The following AKAP8L variants were observed in gnomAD, a reference collection of about 807,000 sequenced individuals.
AKAP8L encodes A-kinase anchor protein 8-like.
AKAP8L carries 34 observed loss-of-function variants against 77.5 expected under a neutral mutation model. The observed-to-expected ratio is 0.44, with a 90% CI of 0.33 to 0.58. The LOEUF is 0.58. AKAP8L is among the 20% of genes least tolerant of loss of function. AKAP8L has a pLI of 0.02. For missense variants in AKAP8L, 806 were observed against 887.6 expected, an observed-to-expected ratio of 0.91 and a Z score of 1.17; for synonymous variants, 342 against 340.7, an observed-to-expected ratio of 1.00 and a Z score of -0.04.
intron 2 of AKAP8L, among the ~76,000 whole-genome samples, chr19:15,408,198 G>A (rs1968037142): frequency 6.6e-6 from 1 of 152,094 alleles, no homozygotes; most frequent in Non-Finnish European, 1.5e-5. Flanking sequence ...CAGAATGAGA[G>A]TCCAAGAGTC....
chr19:15,403,744 A>G lies in AKAP8L; in HGVS notation c.122-29T>C. 1 of 1,528,052 alleles carries G rather than the reference A, an allele frequency of 6.5e-7. No homozygotes were observed. Among genetic ancestry groups the G allele is most frequent in the Non-Finnish European group, 8.9e-7 (1 of 1,122,864 alleles). The allele number at this position is 1,528,052 out of a possible 1,614,324, so 94.7% of individuals were successfully genotyped here. On this transcript the variant is annotated intron_variant, in intron 3 of 13. Transcript: ENST00000397410. The surrounding 1 kb of genome is among the most constrained non-coding windows in gnomAD (Gnocchi z 4.3). The stretch of plus-strand genomic sequence containing the variant: ...CAGTGAGGGAGACAGAGACAGACAG[A>G]TGGTGGGGGCAGGCAGAGGGGAGGC...
At chr19:15,407,976 A>C (rs965091833) in intron 2 of AKAP8L, among the ~76,000 whole-genome samples, 2 of 152,244 alleles carry the variant, frequency 1.3e-5, no homozygotes, top group African/African-American at 4.8e-5. Flanking sequence ...TCATATTTCA[A>C]GATTACTATT....
In AKAP8L at chr19:15,380,076, G is replaced by A. The variant is rs889564066; in HGVS notation, c.*46C>T. 1 of 1,398,638 alleles carries A rather than the reference G, an allele frequency of 7.1e-7. No individual in the cohort carries two copies. The allele number at this position is 1,398,638 out of a possible 1,614,324, so 86.6% of individuals were successfully genotyped here. A position where few individuals can be genotyped will look rare whatever the true frequency, so the allele number is the denominator to read the frequency against. Reference sequence around the variant, plus strand: ...GGGATGGGAAAACTTTATTAGGTTTGGTTTCCAGCTTCGGCCACGCGGGCT... The same window carrying A: ...GGGATGGGAAAACTTTATTAGGTTTAGTTTCCAGCTTCGGCCACGCGGGCT... On this transcript the variant is annotated 3_prime_UTR_variant, in exon 14 of 14. Transcript: ENST00000397410.
At chr19:15,407,112 T>G (rs940871915) in intron 2 of AKAP8L, among the ~76,000 whole-genome samples, 2 of 151,996 alleles carry the variant, frequency 1.3e-5, no homozygotes, top group Non-Finnish European at 2.9e-5. Context: ...AAAAAATAGC[T>G]GGGCATGGTA....
Position 15,418,865 on chromosome 19 carries a change from T to G in AKAP8L, c.13+46A>C, listed in dbSNP as rs1422317736. 5.7e-6 allele frequency: 9 copies of G among 1,576,680 alleles called. No individual in the cohort carries two copies. The African/African-American group carries it at 9.4e-5, about 16-fold the overall frequency. ...GCCTGGTGCGGCATCCGCACGTCCCTGTCCCATCCCCCACGCAGAGCCCGA... is the reference window on the plus strand; with the variant it reads ...GCCTGGTGCGGCATCCGCACGTCCCGGTCCCATCCCCCACGCAGAGCCCGA... On this transcript the variant is annotated intron_variant, in intron 1 of 13. Coordinates refer to ENST00000397410, the MANE Select transcript of AKAP8L (RefSeq NM_014371.4).
chr19:15,389,620 A>C (rs1294707737), intron 12 of AKAP8L, among the ~76,000 whole-genome samples: 4 of 152,106 alleles, frequency 2.6e-5, no homozygotes, highest in Non-Finnish European at 1.5e-5. Context: ...AAATACAAAA[A>C]ATTAGCCGGG....
At chr19:15,418,808 C>G (rs1968269448) in intron 1 of AKAP8L, 103 bp downstream of exon 1, 1 of 1,171,374 alleles carries the variant, frequency 8.5e-7, no homozygotes. Flanking sequence ...GCAGGGAAGG[C>G]AGTGACGGGG....
At position 15,397,580 on chromosome 19, in the gene AKAP8L, T is replaced by A. The variant is rs1309548177; in HGVS notation, c.1345A>T (p.Thr449Ser). Residue 449 changes from threonine to serine, a missense_variant, in exon 11 of 14, where the codon ACC (threonine) becomes TCC (serine). Physicochemically the swap from Thr to Ser is moderately conservative, Grantham distance 58 (BLOSUM62 1). Coordinates refer to ENST00000397410, the MANE Select transcript of AKAP8L (RefSeq NM_014371.4). This position sits in a 1 kb window ranked among gnomAD's most constrained non-coding sequence, Gnocchi z 4.7. ...KTKKTEELRK[T>S]VEDLDGLIQQ... The stretch of plus-strand genomic sequence containing the variant: ...ATGAGGCCATCAAGGTCCTCCACGG[T>A]TTTTCGGAGCTCCTCTGTCTTCTTG... 1 of 1,613,566 alleles carries A rather than the reference T, an allele frequency of 6.2e-7. No individual in the cohort carries two copies. Among genetic ancestry groups the A allele is most frequent in the East Asian group, 2.2e-5 (1 of 44,874 alleles).
intron 12 of AKAP8L, among the ~76,000 whole-genome samples, chr19:15,393,022 G>A (rs1030809137): frequency 6.6e-6 from 1 of 151,376 alleles, no homozygotes; most frequent in Non-Finnish European, 1.5e-5. Context: ...TCATGGATTA[G>A]AAGACTTAAT....
In AKAP8L at chr19:15,417,194, C is replaced by T. The variant is rs190232262; in HGVS notation, c.13+1717G>A. On this transcript the variant is annotated intron_variant, in intron 1 of 13. Transcript: ENST00000397410. Reference sequence around the variant, plus strand: ...AAAAAAGAGCTCCATTACTCAGCTACCCCACAGCACCCAACCATTCATCTT... The same window carrying T: ...AAAAAAGAGCTCCATTACTCAGCTATCCCACAGCACCCAACCATTCATCTT... Among the ~76,000 whole-genome samples, 578 of 152,246 alleles carry T rather than the reference C, an allele frequency of 3.8e-3. 3 individuals are homozygous for T. The highest frequency in any genetic ancestry group is 0.019 in the South Asian group (94 of 4,826).
At chr19:15,410,383 A>G (rs900794687) in intron 2 of AKAP8L, 137 bp downstream of exon 2, 1 of 702,286 alleles carries the variant, frequency 1.4e-6, no homozygotes, top group Non-Finnish European at 2.4e-6. Context: ...AGCACTAGCT[A>G]TTCAAATGGC....
Position 15,401,572 on chromosome 19 carries a change from C to T in AKAP8L, c.394G>A (p.Ala132Thr). The change falls in exon 5 of 14, where the codon GCC becomes ACC. Residue 132 changes from alanine (A) to threonine (T), a missense_variant. This residue lies in a region of AKAP8L where 580 missense variants were observed against 694.1 expected (regional missense o/e 0.84). Coordinates refer to ENST00000397410, the MANE Select transcript of AKAP8L (RefSeq NM_014371.4). The surrounding 1 kb of genome is among the most constrained non-coding windows in gnomAD (Gnocchi z 6.2). ...YDSYESCDSR[A>T]VLSERDLYRS... The stretch of plus-strand genomic sequence containing the variant: ...TACAGGTCGCGCTCACTCAGGACGG[C>T]CCTCGAGTCGCAGGACTCATAAGAG... The T allele has an allele frequency of 6.2e-7, 1 of 1,609,188 alleles. No individual in the cohort carries two copies. Among genetic ancestry groups the T allele is most frequent in the Non-Finnish European group, 8.5e-7 (1 of 1,178,184 alleles).
At chr19:15,385,138 C>T (rs1457121740) in intron 12 of AKAP8L, among the ~76,000 whole-genome samples, 15 of 151,812 alleles carry the variant, frequency 9.9e-5, no homozygotes, top group South Asian at 8.3e-4. Flanking sequence ...CCACCACGCC[C>T]GGCTAATTTT....
chr19:15,401,097 C>T lies in AKAP8L; in HGVS notation c.816+53G>A. 1 of 1,607,460 alleles carries T rather than the reference C, an allele frequency of 6.2e-7. No homozygotes were observed. Among genetic ancestry groups the T allele is most frequent in the South Asian group, 1.1e-5 (1 of 91,080 alleles). On this transcript the variant is annotated intron_variant, in intron 5 of 13. Coordinates refer to ENST00000397410, the MANE Select transcript of AKAP8L (RefSeq NM_014371.4). The surrounding 1 kb of genome is among the most constrained non-coding windows in gnomAD (Gnocchi z 6.2). ...AGGGTGCATGGCACCCGGCCCTTAG[C>T]TCCGCCCCAGTGGGAACTAAGCTTC...
rs1041187692 is a variant in AKAP8L at position 15,403,083 on chromosome 19, G to A, written c.362+392C>T. Among the ~76,000 whole-genome samples, 5 of 152,082 alleles carry A rather than the reference G, an allele frequency of 3.3e-5. No individual in the cohort carries two copies. Among genetic ancestry groups the A allele is most frequent in the Non-Finnish European group, 5.9e-5 (4 of 68,020 alleles). On this transcript the variant is annotated intron_variant, in intron 4 of 13. Transcript: ENST00000397410. The surrounding 1 kb of genome is among the most constrained non-coding windows in gnomAD (Gnocchi z 4.3). Reference sequence around the variant, plus strand: ...TCGCAGTGATCAGCCCCAAACGCTCGTCCCACCCTTCACACCAAACTCCAT... The same window carrying A: ...TCGCAGTGATCAGCCCCAAACGCTCATCCCACCCTTCACACCAAACTCCAT...
At chr19:15,406,209 T>C (rs1967992938) in intron 2 of AKAP8L, among the ~76,000 whole-genome samples, 1 of 152,200 alleles carries the variant, frequency 6.6e-6, no homozygotes, top group Admixed American at 6.5e-5. Flanking sequence ...CCCAGACTCC[T>C]TGATGGACAT....
intron 12 of AKAP8L, chr19:15,380,999 G>A: frequency 1.1e-5 from 2 of 189,576 alleles, no homozygotes; most frequent in South Asian, 2.7e-4. Context: ...GGGGCCAACG[G>A]GGAAGATATA....
rs1197075848 is a variant in AKAP8L, at chr19:15,400,937, G to A, written c.913+10C>T. 1.9e-6 allele frequency: 3 copies of A among 1,613,796 alleles called. No homozygotes were observed. In the African/African-American group the frequency reaches 4.0e-5, roughly 22 times the overall value. On this transcript the variant is annotated intron_variant, in intron 6 of 13. Coordinates refer to ENST00000397410, the MANE Select transcript of AKAP8L (RefSeq NM_014371.4). Reference sequence around the variant, plus strand: ...GGGGGCAGCCGCCCAGTACCACCTAGTGGGCTCACCATTGTCTGAGTCGCT... The same window carrying A: ...GGGGGCAGCCGCCCAGTACCACCTAATGGGCTCACCATTGTCTGAGTCGCT...
intron 12 of AKAP8L, among the ~76,000 whole-genome samples, chr19:15,382,862 G>C (rs974576212): frequency 1.3e-5 from 2 of 152,156 alleles, no homozygotes; most frequent in African/African-American, 4.8e-5. Context: ...TAAAGAAAAA[G>C]GTTTTGGATT....
Sources: allele counts gnomAD v4.1 joint callset (sites outside exome capture counted in the v4.1 genomes callset), GRCh38; gene constraint gnomAD v4.1.1; regional missense constraint gnomAD v4.1.1; non-coding constraint Gnocchi (gnomAD v3.1); transcripts MANE v1.5; gene names NCBI Gene and HGNC (gene_info 2026-07-23, HGNC 2026-07-21).